Variants in KIAA1328 observed in about 807,000 individuals in gnomAD.
KIAA1328 encodes protein hinderin.
KIAA1328 carries 52 observed loss-of-function variants against 68.1 expected under a neutral mutation model. The observed-to-expected ratio is 0.76, with a 90% CI of 0.61 to 0.96. The LOEUF is 0.96. Among genes scored for constraint, KIAA1328 ranks in the 40% least tolerant of loss-of-function variants. The pLI, the probability that KIAA1328 is intolerant of heterozygous loss-of-function variation, is 0.00. For missense variants in KIAA1328, 641 were observed against 677.6 expected, an observed-to-expected ratio of 0.95 and a Z score of 0.60; for synonymous variants, 232 against 239.4, an observed-to-expected ratio of 0.97 and a Z score of 0.28.
At chr18:37,201,691 A>G (rs2060117596) in intron 9 of KIAA1328, among the ~76,000 whole-genome samples, 1 of 152,208 alleles carries the variant, frequency 6.6e-6, no homozygotes, top group Non-Finnish European at 1.5e-5. Flanking sequence ...TCTCAAGGCT[A>G]AGAAGCAAAG....
intron 6 of KIAA1328, among the ~76,000 whole-genome samples, chr18:37,018,790 T>A (rs1013670679): frequency 2.0e-5 from 3 of 151,172 alleles, no homozygotes; most frequent in African/African-American, 4.8e-5. Context: ...CTGAATGATT[T>A]TTTTTTTAAT....
intron 7 of KIAA1328, among the ~76,000 whole-genome samples, chr18:37,144,731 T>A (rs2154208749): frequency 6.6e-6 from 1 of 152,216 alleles, no homozygotes; most frequent in Middle Eastern, 3.4e-3. Context: ...GGTTTCGCCA[T>A]GTTGCCCAGA....
intron 5 of KIAA1328, among the ~76,000 whole-genome samples, chr18:36,893,255 TC>T (rs2151006880): frequency 6.6e-6 from 1 of 152,198 alleles, no homozygotes; most frequent in Admixed American, 6.5e-5. Flanking sequence ...TCTCTCTTTT[TC>T]TCTCTCTCTT....
intron 6 of KIAA1328, among the ~76,000 whole-genome samples, chr18:36,970,878 A>G (rs925133362): frequency 6.6e-6 from 1 of 152,208 alleles, no homozygotes; most frequent in Non-Finnish European, 1.5e-5. Context: ...GCAATGCCCA[A>G]AGTAATTTGT....
At chr18:36,843,868 G>A (rs1172725850) in intron 3 of KIAA1328, among the ~76,000 whole-genome samples, 2 of 152,066 alleles carry the variant, frequency 1.3e-5, no homozygotes, top group African/African-American at 4.8e-5. Flanking sequence ...AGCAGCGTGG[G>A]GACTATGGTG....
At chr18:37,122,567 A>G (rs2058297978) in intron 7 of KIAA1328, among the ~76,000 whole-genome samples, 1 of 152,176 alleles carries the variant, frequency 6.6e-6, no homozygotes, top group South Asian at 2.1e-4. Flanking sequence ...TAGAATTTGA[A>G]TCACAGGTGG....
chr18:36,912,902 T>C (rs1165098023), intron 5 of KIAA1328, among the ~76,000 whole-genome samples: 2 of 152,164 alleles, frequency 1.3e-5, no homozygotes, highest in Non-Finnish European at 2.9e-5. Flanking sequence ...ATAGCAATTA[T>C]AAACATTCCC....
chr18:36,912,734 T>A (rs867532548), intron 5 of KIAA1328, among the ~76,000 whole-genome samples: 14 of 152,268 alleles, frequency 9.2e-5, no homozygotes, highest in South Asian at 2.1e-4. Flanking sequence ...TTAAATCTTA[T>A]CAGCTCAAAA....
intron 7 of KIAA1328, among the ~76,000 whole-genome samples, chr18:37,143,881 G>A (rs1408463665): frequency 6.6e-6 from 1 of 151,890 alleles, no homozygotes; most frequent in Admixed American, 6.6e-5. Flanking sequence ...TACTAACTTG[G>A]CCGTGATATG....
intron 7 of KIAA1328, among the ~76,000 whole-genome samples, chr18:37,109,077 C>T (rs577552592): frequency 1.2e-4 from 19 of 152,288 alleles, no homozygotes; most frequent in African/African-American, 4.6e-4. Context: ...TGGTTTCCAG[C>T]TTCATCCGTG....
At chr18:37,160,802 A>G (rs904590507) in intron 8 of KIAA1328, among the ~76,000 whole-genome samples, 4 of 152,192 alleles carry the variant, frequency 2.6e-5, no homozygotes, top group African/African-American at 7.2e-5. Context: ...AATTCCCCAT[A>G]TTGTGACTAA....
chr18:36,922,596 A>G (rs2049968337), intron 5 of KIAA1328, among the ~76,000 whole-genome samples: 1 of 151,944 alleles, frequency 6.6e-6, no homozygotes, highest in Non-Finnish European at 1.5e-5. Flanking sequence ...GTTGATTCTG[A>G]TTTACTTGGC....
intron 1 of KIAA1328, among the ~76,000 whole-genome samples, chr18:36,834,050 A>T (rs1271763594): frequency 6.6e-6 from 1 of 152,254 alleles, no homozygotes; most frequent in Non-Finnish European, 1.5e-5. Context: ...TCATGGAACA[A>T]GACCTTCCAA....
chr18:36,834,110 G>T (rs965744213), intron 1 of KIAA1328: 2 of 765,978 alleles, frequency 2.6e-6, no homozygotes, highest in African/African-American at 1.8e-5. Context: ...AACTTTTAGA[G>T]AATATTAATT....
chr18:37,056,611 T>C (rs2055917843), intron 6 of KIAA1328, among the ~76,000 whole-genome samples: 1 of 152,202 alleles, frequency 6.6e-6, no homozygotes, highest in Non-Finnish European at 1.5e-5. Flanking sequence ...GAAGTTATTT[T>C]TAGTAGCCAA....
chr18:37,151,886 G>A (rs1228565071), intron 7 of KIAA1328, among the ~76,000 whole-genome samples: 1 of 152,030 alleles, frequency 6.6e-6, no homozygotes, highest in Admixed American at 6.6e-5. Flanking sequence ...CTTCCATATG[G>A]GAACTGCACT....
In KIAA1328 at chr18:37,200,395, T is replaced by G. The variant is rs75157555; in HGVS notation, c.1524-21622T>G. Among the ~76,000 whole-genome samples the G allele has an allele frequency of 1.0e-3, 155 of 152,360 alleles. 2 individuals are homozygous for G. The highest frequency in any genetic ancestry group is 3.7e-3 in the African/African-American group (153 of 41,590). On this transcript the variant is annotated intron_variant, in intron 9 of 9. Transcript: ENST00000280020. ...TTATGGTATCCAGTGTATAGCATTT[T>G]ATGGCTTCTTGGTGTCTGTTAATTT...
At chr18:37,076,121 A>C (rs1176419264) in intron 7 of KIAA1328, among the ~76,000 whole-genome samples, 1 of 151,758 alleles carries the variant, frequency 6.6e-6, no homozygotes, top group Non-Finnish European at 1.5e-5. Flanking sequence ...ATCAGAAATT[A>C]TAACAAACTG....
intron 7 of KIAA1328, among the ~76,000 whole-genome samples, chr18:37,133,294 TG>T (rs2058565545): frequency 6.6e-6 from 1 of 150,760 alleles, no homozygotes; most frequent in Non-Finnish European, 1.5e-5. Flanking sequence ...GTCACGCCAT[TG>T]TACTCCAGCC....
Sources: gnomAD v4.1 joint callset for allele counts (sites outside exome capture counted in the v4.1 genomes callset) on GRCh38, gnomAD v4.1.1 for gene constraint, MANE v1.5 for transcripts, NCBI Gene and HGNC (gene_info 2026-07-23, HGNC 2026-07-21) for gene names.